UIMC1: variants seen among roughly 807,000 people sequenced by gnomAD.
UIMC1 encodes the protein BRCA1-A complex subunit RAP80.
Under a neutral mutation model 84.9 loss-of-function variants are expected in UIMC1, and 42 were observed. That is an observed-to-expected ratio of 0.49 (90% confidence interval 0.39 to 0.64). UIMC1 has a LOEUF of 0.64. Among genes scored for constraint, UIMC1 ranks in the 30% least tolerant of loss-of-function variants. The pLI is 0.00. For synonymous variants in UIMC1, 281 were observed against 293.0 expected, an observed-to-expected ratio of 0.96 and a Z score of 0.42; for missense variants, 825 against 847.6, an observed-to-expected ratio of 0.97 and a Z score of 0.33.
At chr5:176,905,919 G>T in intron 14 of UIMC1, 92 bp downstream of exon 14, 1 of 1,345,596 alleles carries the variant, frequency 7.4e-7, no homozygotes, top group Non-Finnish European at 1.1e-6. Context: ...TACTGCAACA[G>T]TCTGAGTATC....
At chr5:177,020,708 G>T (rs1305648331) in intron 1 of UIMC1, among the ~76,000 whole-genome samples, 2 of 152,150 alleles carry the variant, frequency 1.3e-5, no homozygotes, top group African/African-American at 4.8e-5. Context: ...TGGATTACAG[G>T]CATGAGCCAC....
chr5:176,971,235 G>GC (rs1769153877), intron 3 of UIMC1, among the ~76,000 whole-genome samples: 1 of 152,162 alleles, frequency 6.6e-6, no homozygotes, highest in Admixed American at 6.5e-5. Context: ...GCTAAATACC[G>GC]CAACGCTTTA....
chr5:177,001,021 A>G (rs1405207064), intron 1 of UIMC1, among the ~76,000 whole-genome samples: 1 of 151,818 alleles, frequency 6.6e-6, no homozygotes, highest in Non-Finnish European at 1.5e-5. Flanking sequence ...ATGTGATCCC[A>G]TTTGTCCATT....
At chr5:176,999,204 C>A (rs1338786879) in intron 1 of UIMC1, among the ~76,000 whole-genome samples, 1 of 152,134 alleles carries the variant, frequency 6.6e-6, no homozygotes, top group Non-Finnish European at 1.5e-5. Flanking sequence ...TCAAAAAAAT[C>A]TTGCAGTATT....
At chr5:176,925,936 A>G (rs888959946) in intron 10 of UIMC1, among the ~76,000 whole-genome samples, 4 of 152,230 alleles carry the variant, frequency 2.6e-5, no homozygotes, top group African/African-American at 9.6e-5. Flanking sequence ...AGGGAAAATG[A>G]ACCAATATTC....
At position 176,979,080 on chromosome 5, in the gene UIMC1, T is replaced by C. The variant is rs564323974; in HGVS notation, c.147+3389A>G. ...AATCAACTGAACAATTATAAAAATA[T>C]GTGACAGATTAACGGAAGAAAAACA... On this transcript the variant is annotated intron_variant, in intron 2 of 14. Coordinates refer to ENST00000511320, the MANE Select transcript of UIMC1 (RefSeq NM_001199298.2). 1.1e-4 allele frequency among the ~76,000 whole-genome samples: 16 copies of C among 152,230 alleles called. 1 individual carries two copies. Among genetic ancestry groups the C allele is most frequent in the South Asian group, 1.0e-3 (5 of 4,828 alleles).
chr5:176,915,793 C>CAAAAAAAAAAAAAAAAAAA (rs58297107), intron 10 of UIMC1, among the ~76,000 whole-genome samples: 6 of 42,636 alleles, frequency 1.4e-4, no homozygotes, highest in Admixed American at 2.7e-4. Flanking sequence ...GGTCACAAAG[C>CAAAAAAAAAAAAAAAAAAA]AAAAAAAAAA....
At chr5:176,972,575 A>C (rs555936484) in intron 3 of UIMC1, among the ~76,000 whole-genome samples, 123 of 151,890 alleles carry the variant, frequency 8.1e-4, no homozygotes, top group Non-Finnish European at 1.6e-3. Context: ...ATCTCTACTA[A>C]AAATACAAAA....
At chr5:176,965,381 C>G (rs887023701) in intron 6 of UIMC1, among the ~76,000 whole-genome samples, 29 of 150,920 alleles carry the variant, frequency 1.9e-4, no homozygotes, top group Admixed American at 1.5e-3. Flanking sequence ...AAGACTATGC[C>G]ACTGCACTCC....
intron 2 of UIMC1, among the ~76,000 whole-genome samples, chr5:176,976,704 T>C (rs1770127681): frequency 6.6e-6 from 1 of 152,258 alleles, no homozygotes; most frequent in Non-Finnish European, 1.5e-5. Flanking sequence ...TAATTCCATT[T>C]ATAAGACATG....
At position 176,963,171 on chromosome 5, in the gene UIMC1, A is replaced by T. The variant is rs867040651; in HGVS notation, c.1201-5017T>A. ...AAAAAATAAATTAAAAAAAAAAAAA[A>T]AAAAAAAAAAAAAAAATTCAAAGAA... On this transcript the variant is annotated intron_variant, in intron 6 of 14. Transcript: ENST00000511320. Among the ~76,000 whole-genome samples, 927 of 30,386 alleles carry T rather than the reference A, an allele frequency of 0.031. 354 individuals are homozygous for T. The African/African-American group carries it at 0.34, about 11-fold the overall frequency. 19.9% of individuals were successfully genotyped at this position (30,386 alleles called of 152,430 possible). A position where few individuals can be genotyped will look rare whatever the true frequency, so the allele number is the denominator to read the frequency against.
At chr5:177,008,429 A>C (rs993934694), upstream of UIMC1, among the ~76,000 whole-genome samples, 2 of 152,136 alleles carry the variant, frequency 1.3e-5, no homozygotes, top group Admixed American at 1.3e-4. Context: ...AAGACTTGTG[A>C]GCTCTATGAA....
At chr5:176,990,032 T>A (rs1331047466) in intron 1 of UIMC1, among the ~76,000 whole-genome samples, 1 of 151,820 alleles carries the variant, frequency 6.6e-6, no homozygotes, top group Non-Finnish European at 1.5e-5. Flanking sequence ...TACAAAAAAA[T>A]TAGCCAGGCG....
intron 10 of UIMC1, among the ~76,000 whole-genome samples, chr5:176,921,311 C>T (rs539550786): frequency 2.3e-4 from 35 of 152,176 alleles, no homozygotes; most frequent in Non-Finnish European, 5.0e-4. Context: ...GGATTCCCCT[C>T]CTGCCATCAT....
intron 1 of UIMC1, among the ~76,000 whole-genome samples, chr5:176,990,549 A>T (rs1378273274): frequency 6.6e-6 from 1 of 152,194 alleles, no homozygotes; most frequent in Non-Finnish European, 1.5e-5. Context: ...TTCCTAAAAT[A>T]AATTAATTTT....
At chr5:176,996,404 A>G (rs1387873648) in intron 1 of UIMC1, among the ~76,000 whole-genome samples, 1 of 152,172 alleles carries the variant, frequency 6.6e-6, no homozygotes, top group African/African-American at 2.4e-5. Flanking sequence ...CAAAATAGTC[A>G]CTGAGTGGTG....
chr5:176,906,163 T>C (rs1308224021), intron 13 of UIMC1, 116 bp from the exon 14 acceptor site: 3 of 943,422 alleles, frequency 3.2e-6, no homozygotes, highest in Non-Finnish European at 4.9e-6. Context: ...CCTATCCAGG[T>C]AGCACAGATC....
At chr5:176,965,225 T>C (rs1391441572) in intron 6 of UIMC1, among the ~76,000 whole-genome samples, 1 of 152,076 alleles carries the variant, frequency 6.6e-6, no homozygotes. Context: ...ATCGAGACCA[T>C]CCTGGCTAAC....
chr5:177,011,125 A>C (rs770799596), upstream of UIMC1, among the ~76,000 whole-genome samples: 3 of 151,776 alleles, frequency 2.0e-5, no homozygotes, highest in Non-Finnish European at 2.9e-5. Flanking sequence ...CGGGAGGCAG[A>C]GGTTGCAGTG....
Sources: allele counts gnomAD v4.1 joint callset (sites outside exome capture counted in the v4.1 genomes callset), GRCh38; gene constraint gnomAD v4.1.1; transcripts MANE v1.5; gene names NCBI Gene and HGNC (gene_info 2026-07-23, HGNC 2026-07-21).